Variants in ITPKB observed in about 807,000 individuals in gnomAD.
ITPKB encodes the protein IP3 3-kinase B.
In ITPKB, 13 loss-of-function variants were observed where a neutral mutation model predicts 69.4. The observed-to-expected ratio is 0.19, with a 90% CI of 0.12 to 0.30. ITPKB has a LOEUF of 0.30. ITPKB is among the 10% of genes least tolerant of loss of function. ITPKB has a pLI of 1.00. For missense variants in ITPKB, 1,240 were observed against 1,250.5 expected, an observed-to-expected ratio of 0.99 and a Z score of 0.13; for synonymous variants, 584 against 513.7, an observed-to-expected ratio of 1.14 and a Z score of -1.85.
Position 226,735,673 on chromosome 1 carries a change from T to C in ITPKB, c.1786A>G (p.Arg596Gly), listed in dbSNP as rs369692488. 6 of 1,610,070 alleles carry C rather than the reference T, an allele frequency of 3.7e-6. No homozygotes were observed. The highest frequency in any genetic ancestry group is 5.1e-6 in the Non-Finnish European group (6 of 1,177,882). Residue 596 changes from arginine (R) to glycine (G), a missense_variant, in exon 2 of 8, where the codon AGG (arginine) becomes GGG (glycine). Coordinates refer to ENST00000429204, the MANE Select transcript of ITPKB (RefSeq NM_002221.4). ...QGSPRGNLPL[R>G]KLSSSSASST... The stretch of plus-strand genomic sequence containing the variant: ...GAGGCCGAGGAAGAGGACAGTTTCC[T>C]CAGGGGCAGGTTGCCCCGAGGGCTT...
At chr1:226,734,351 G>A (rs1571881876) in intron 2 of ITPKB, among the ~76,000 whole-genome samples, 1 of 152,262 alleles carries the variant, frequency 6.6e-6, no homozygotes, top group Admixed American at 6.5e-5. Context: ...GGGAATCAGA[G>A]AGGAGTATGT....
At chr1:226,651,016 G>A (rs1043531768) in intron 2 of ITPKB, among the ~76,000 whole-genome samples, 1 of 152,210 alleles carries the variant, frequency 6.6e-6, no homozygotes, top group Non-Finnish European at 1.5e-5. Flanking sequence ...TACAGGAGGA[G>A]GCAAATGAGC....
chr1:226,719,490 CTATCACCTATTGAGAA>C lies in ITPKB; in HGVS notation c.1932+16021_1932+16036del, dbSNP rs147268440. Among the ~76,000 whole-genome samples the C allele has an allele frequency of 4.1e-3, 617 of 152,312 alleles. 1 individual carries two copies. Among genetic ancestry groups the C allele is most frequent in the African/African-American group, 0.014 (595 of 41,556 alleles). On this transcript the variant is annotated intron_variant, in intron 2 of 7. Coordinates refer to ENST00000429204, the MANE Select transcript of ITPKB (RefSeq NM_002221.4). ...CAGGGAGGTGCCACACCCTTCACCTCTATCACCTATTGAGAATATCACCTATTGAAAGCCTGGGCAT... is the reference window on the plus strand; with the variant it reads ...CAGGGAGGTGCCACACCCTTCACCTCTATCACCTATTGAAAGCCTGGGCAT...
chr1:226,690,062 G>A (rs1457574068), intron 2 of ITPKB, among the ~76,000 whole-genome samples: 1 of 152,164 alleles, frequency 6.6e-6, no homozygotes, highest in Non-Finnish European at 1.5e-5. Context: ...TTATGGAACA[G>A]TGCTGCAATG....
intron 2 of ITPKB, among the ~76,000 whole-genome samples, chr1:226,650,076 C>T (rs1353346319): frequency 6.6e-6 from 1 of 152,144 alleles, no homozygotes; most frequent in African/African-American, 2.4e-5. Context: ...GGTGGTACTG[C>T]CTGACAGGGG....
intron 7 of ITPKB, among the ~76,000 whole-genome samples, chr1:226,636,619 C>T (rs1200425843): frequency 6.6e-6 from 1 of 152,258 alleles, no homozygotes; most frequent in Non-Finnish European, 1.5e-5. Flanking sequence ...AGACCCCATA[C>T]AAGAGGACCT....
intron 2 of ITPKB, among the ~76,000 whole-genome samples, chr1:226,699,677 T>C (rs1340667458): frequency 6.6e-6 from 1 of 152,158 alleles, no homozygotes; most frequent in Non-Finnish European, 1.5e-5. Context: ...AGAATAGCCC[T>C]TTCTGGGATA....
At chr1:226,699,064 A>AC (rs1316914216) in intron 2 of ITPKB, among the ~76,000 whole-genome samples, 2 of 151,556 alleles carry the variant, frequency 1.3e-5, no homozygotes, top group African/African-American at 4.9e-5. Flanking sequence ...GCCTCCCCTC[A>AC]CCCCCACTAC....
At chr1:226,735,380 TG>T in intron 2 of ITPKB, 146 bp downstream of exon 2, 1 of 870,872 alleles carries the variant, frequency 1.1e-6, no homozygotes, top group Non-Finnish European at 1.6e-6. Context: ...CAAACACACC[TG>T]GACAGAATTA....
At position 226,642,640 on chromosome 1, in the gene ITPKB, C is replaced by T. The variant is rs926029936; in HGVS notation, c.2247-515G>A. Among the ~76,000 whole-genome samples, 9 of 151,998 alleles carry T rather than the reference C, an allele frequency of 5.9e-5. No individual in the cohort carries two copies. Among genetic ancestry groups the T allele is most frequent in the African/African-American group, 7.3e-5 (3 of 41,366 alleles). Reference sequence around the variant, plus strand: ...ACGGAGGCAGGGCAGCAGGGGGTGTCGGGGGTGGCTGGTCCTGATCCTGCT... The same window carrying T: ...ACGGAGGCAGGGCAGCAGGGGGTGTTGGGGGTGGCTGGTCCTGATCCTGCT... On this transcript the variant is annotated intron_variant, in intron 4 of 7. Coordinates refer to ENST00000429204, the MANE Select transcript of ITPKB (RefSeq NM_002221.4). The surrounding 1 kb of genome is among the most constrained non-coding windows in gnomAD (Gnocchi z 6.4).
intron 2 of ITPKB, among the ~76,000 whole-genome samples, chr1:226,680,771 T>A (rs950184040): frequency 2.0e-5 from 3 of 152,140 alleles, no homozygotes; most frequent in Admixed American, 1.3e-4. Context: ...ACGCTTTTTC[T>A]CACCAGGATT....
At chr1:226,691,902 A>C (rs543223093) in intron 2 of ITPKB, among the ~76,000 whole-genome samples, 87 of 152,254 alleles carry the variant, frequency 5.7e-4, no homozygotes, top group African/African-American at 1.9e-3. Flanking sequence ...ATGAAGGTGG[A>C]TTCAGTGGTC....
Position 226,736,497 on chromosome 1 carries a change from A to G in ITPKB, c.962T>C (p.Leu321Pro). The G allele has an allele frequency of 1.9e-6, 3 of 1,614,050 alleles. No individual in the cohort carries two copies. Among genetic ancestry groups the G allele is most frequent in the Non-Finnish European group, 2.5e-6 (3 of 1,180,048 alleles). The change falls in exon 2 of 8, where the codon CTT (leucine) becomes CCT (proline). Residue 321 changes from leucine to proline, a missense_variant. Transcript: ENST00000429204. ...TSTGPHRPQDLALTEPSGRAR... is the reference protein window; with the variant it reads ...TSTGPHRPQDPALTEPSGRAR... ...TCTCCCAGACGGCTCAGTGAGGGCAAGATCCTGTGGACGGTGTGGCCCAGT... is the reference window on the plus strand; with the variant it reads ...TCTCCCAGACGGCTCAGTGAGGGCAGGATCCTGTGGACGGTGTGGCCCAGT...
intron 2 of ITPKB, among the ~76,000 whole-genome samples, chr1:226,693,912 T>C (rs1388389112): frequency 6.6e-6 from 1 of 152,238 alleles, no homozygotes; most frequent in Non-Finnish European, 1.5e-5. Flanking sequence ...GCACACCTTG[T>C]CTTCAAGGAT....
At chr1:226,684,031 C>G (rs764348442) in intron 2 of ITPKB, among the ~76,000 whole-genome samples, 4 of 152,174 alleles carry the variant, frequency 2.6e-5, no homozygotes, top group Non-Finnish European at 5.9e-5. Flanking sequence ...ATCTGACTTT[C>G]TGAGTGTCAG....
intron 2 of ITPKB, among the ~76,000 whole-genome samples, chr1:226,716,406 T>A (rs1657097056): frequency 6.6e-6 from 1 of 152,238 alleles, no homozygotes; most frequent in South Asian, 2.1e-4. Flanking sequence ...ATTTTCTTTT[T>A]AAAATGTTTT....
chr1:226,659,923 C>T (rs1264357034), intron 2 of ITPKB, among the ~76,000 whole-genome samples: 1 of 152,212 alleles, frequency 6.6e-6, no homozygotes, highest in Admixed American at 6.5e-5. Flanking sequence ...GCGGACCCAG[C>T]ACATGCTAAG....
At chr1:226,719,478 C>T (rs923627662) in intron 2 of ITPKB, among the ~76,000 whole-genome samples, 1 of 152,188 alleles carries the variant, frequency 6.6e-6, no homozygotes. Flanking sequence ...GGAGGTGCCA[C>T]ACCCTTCACC....
rs1425830669 is a variant in ITPKB, at chr1:226,634,428, T to C, written c.*243A>G. On this transcript the variant is annotated 3_prime_UTR_variant, in exon 8 of 8. Transcript: ENST00000429204. This position sits in a 1 kb window ranked among gnomAD's most constrained non-coding sequence, Gnocchi z 6.3. ...CCTCCAGCTCTACACCTGACCCACC[T>C]CTAAGACTGGGCATTTCTCTTCTAG... 24 of 525,108 alleles carry C rather than the reference T, an allele frequency of 4.6e-5. No individual in the cohort carries two copies. The highest frequency in any genetic ancestry group is 7.6e-5 in the Non-Finnish European group (22 of 290,810). 32.5% of individuals were successfully genotyped at this position (525,108 alleles called of 1,614,324 possible). A position where few individuals can be genotyped will look rare whatever the true frequency, so the allele number is the denominator to read the frequency against.
Sources: gnomAD v4.1 joint callset for allele counts (sites outside exome capture counted in the v4.1 genomes callset) on GRCh38, gnomAD v4.1.1 for gene constraint, Gnocchi (gnomAD v3.1) non-coding constraint, MANE v1.5 for transcripts, NCBI Gene and HGNC (gene_info 2026-07-23, HGNC 2026-07-21) for gene names.